Variants in DPY19L4 observed in about 807,000 individuals in gnomAD.
DPY19L4 encodes the protein probable C-mannosyltransferase DPY19L4.
Under a neutral mutation model 102.8 loss-of-function variants are expected in DPY19L4, and 97 were observed. That is an observed-to-expected ratio of 0.94 (90% CI 0.80 to 1.12). The LOEUF (loss-of-function observed/expected upper bound fraction) is 1.12, where lower values mean the gene tolerates loss of function less well. Among genes scored for constraint, DPY19L4 ranks in the 50% most tolerant of loss-of-function variants. DPY19L4 has a pLI of 0.00. For synonymous variants in DPY19L4, 252 were observed against 283.1 expected, an observed-to-expected ratio of 0.89 and a Z score of 1.10; for missense variants, 815 against 850.4, an observed-to-expected ratio of 0.96 and a Z score of 0.52.
At chr8:94,747,481 A>C (rs1811727094) in intron 6 of DPY19L4, among the ~76,000 whole-genome samples, 1 of 151,708 alleles carries the variant, frequency 6.6e-6, no homozygotes, top group African/African-American at 2.4e-5. Context: ...GAAAGTGAGC[A>C]CTGAAGTCTT....
At chr8:94,739,829 G>T (rs1448649449) in intron 6 of DPY19L4, 39 bp downstream of exon 6, 4 of 1,604,604 alleles carry the variant, frequency 2.5e-6, no homozygotes, top group Non-Finnish European at 1.7e-6. Flanking sequence ...AAAACTTTTT[G>T]TGGCTGTAGT....
chr8:94,754,224 A>T (rs1426011136), intron 6 of DPY19L4, among the ~76,000 whole-genome samples: 1 of 152,180 alleles, frequency 6.6e-6, no homozygotes, highest in Non-Finnish European at 1.5e-5. Context: ...AGAGATGAGT[A>T]AAAATGATTT....
intron 2 of DPY19L4, among the ~76,000 whole-genome samples, chr8:94,731,396 T>C (rs1391652299): frequency 6.6e-6 from 1 of 152,230 alleles, no homozygotes; most frequent in Admixed American, 6.5e-5. Context: ...CCAGATGCTT[T>C]ACACATGCTA....
chr8:94,759,488 G>C (rs970151535), intron 7 of DPY19L4, among the ~76,000 whole-genome samples: 2 of 146,712 alleles, frequency 1.4e-5, no homozygotes, highest in African/African-American at 5.0e-5. Flanking sequence ...CACTGTGCCT[G>C]GTCTACATGT....
At chr8:94,722,182 C>T (rs1361189977) in intron 1 of DPY19L4, among the ~76,000 whole-genome samples, 1 of 150,364 alleles carries the variant, frequency 6.7e-6, no homozygotes, top group African/African-American at 2.5e-5. Flanking sequence ...CCAAGGTGGG[C>T]GGATCACGAG....
chr8:94,749,124 G>GA (rs142528454), intron 6 of DPY19L4, among the ~76,000 whole-genome samples: 3,922 of 152,192 alleles, frequency 0.026, 171 homozygotes, highest in African/African-American at 0.089. Flanking sequence ...AATAGCACGG[G>GA]AAAGACTTGC....
chr8:94,776,635 A>G (rs1449660275), intron 13 of DPY19L4, among the ~76,000 whole-genome samples: 2 of 151,512 alleles, frequency 1.3e-5, no homozygotes, highest in Non-Finnish European at 2.9e-5. Context: ...TGTTTTTCCA[A>G]TTTTCTTGCT....
At chr8:94,728,200 C>G (rs912321465) in intron 2 of DPY19L4, among the ~76,000 whole-genome samples, 2 of 152,184 alleles carry the variant, frequency 1.3e-5, no homozygotes, top group Non-Finnish European at 1.5e-5. Flanking sequence ...CTCAGGTGAT[C>G]CGCCTGCAAG....
At chr8:94,728,673 T>G (rs1810799341) in intron 2 of DPY19L4, among the ~76,000 whole-genome samples, 1 of 152,258 alleles carries the variant, frequency 6.6e-6, no homozygotes, top group Admixed American at 6.5e-5. Flanking sequence ...TTGATAATAC[T>G]GTTTCCTGTG....
intron 6 of DPY19L4, among the ~76,000 whole-genome samples, chr8:94,741,272 A>G (rs1811433653): frequency 6.6e-6 from 1 of 152,188 alleles, no homozygotes; most frequent in Admixed American, 6.5e-5. Context: ...CTGGAGAATA[A>G]TCTGTGTGGC....
intron 2 of DPY19L4, among the ~76,000 whole-genome samples, chr8:94,731,364 T>C (rs1810946094): frequency 6.6e-6 from 1 of 152,216 alleles, no homozygotes; most frequent in African/African-American, 2.4e-5. Context: ...GCTGAGCTCT[T>C]AACTGTATGT....
At chr8:94,788,865 T>C (rs2130951678) in intron 18 of DPY19L4, among the ~76,000 whole-genome samples, 1 of 152,376 alleles carries the variant, frequency 6.6e-6, no homozygotes, top group South Asian at 2.1e-4. Context: ...ATCATAGCTC[T>C]TTGTCTTATC....
intron 17 of DPY19L4, among the ~76,000 whole-genome samples, chr8:94,785,532 G>C (rs1813617001): frequency 6.6e-6 from 1 of 152,188 alleles, no homozygotes; most frequent in Non-Finnish European, 1.5e-5. Flanking sequence ...AGAAAATGAG[G>C]CAGAATTCTG....
intron 2 of DPY19L4, among the ~76,000 whole-genome samples, chr8:94,727,478 C>G (rs971358901): frequency 6.6e-6 from 1 of 152,210 alleles, no homozygotes; most frequent in African/African-American, 2.4e-5. Flanking sequence ...AAGTGTTCCA[C>G]CTGCCACAAC....
At chr8:94,786,952 G>C (rs1056752342) in intron 17 of DPY19L4, among the ~76,000 whole-genome samples, 1 of 152,110 alleles carries the variant, frequency 6.6e-6, no homozygotes, top group African/African-American at 2.4e-5. Context: ...ATTGTTCCCC[G>C]AGGGGACATT....
intron 6 of DPY19L4, among the ~76,000 whole-genome samples, chr8:94,751,294 AT>A (rs1418492225): frequency 6.8e-6 from 1 of 146,344 alleles, no homozygotes; most frequent in Non-Finnish European, 1.5e-5. Context: ...ATTTTTTTGT[AT>A]TTTTGGTAGA....
At chr8:94,766,149 T>C (rs1459346058) in intron 10 of DPY19L4, among the ~76,000 whole-genome samples, 1 of 151,874 alleles carries the variant, frequency 6.6e-6, no homozygotes, top group Non-Finnish European at 1.5e-5. Context: ...GAAATGTTGT[T>C]GATCACCTGA....
intron 1 of DPY19L4, among the ~76,000 whole-genome samples, chr8:94,725,707 C>T (rs1810656764): frequency 1.3e-5 from 2 of 152,144 alleles, no homozygotes; most frequent in Admixed American, 6.5e-5. Context: ...ACGATCTCGG[C>T]TCACTGCAAG....
chr8:94,725,872 C>T (rs1311341938), intron 1 of DPY19L4, among the ~76,000 whole-genome samples: 2 of 152,106 alleles, frequency 1.3e-5, no homozygotes, highest in African/African-American at 4.8e-5. Flanking sequence ...CTCCTGACCT[C>T]GTGATCCGCC....
Sources: allele counts gnomAD v4.1 joint callset (sites outside exome capture counted in the v4.1 genomes callset), GRCh38; gene constraint gnomAD v4.1.1; transcripts MANE v1.5; gene names NCBI Gene and HGNC (gene_info 2026-07-23, HGNC 2026-07-21).